SASH1: variants seen among roughly 807,000 people sequenced by gnomAD.
SASH1 encodes SAM and SH3 domain containing 1.
In SASH1, 44 loss-of-function variants were observed where a neutral mutation model predicts 125.2. The observed-to-expected ratio is 0.35, with a 90% confidence interval of 0.28 to 0.45. The LOEUF is 0.45. Ranked by LOEUF, SASH1 falls within the 20% of genes least tolerant of loss-of-function variation. The pLI is 1.00. For missense variants in SASH1, 1,426 were observed against 1,614.5 expected (o/e 0.88, Z 2.00); for synonymous variants, 639 against 649.1 (o/e 0.98, Z 0.24).
chr6:148,381,152 C>T (rs532409490), intron 1 of SASH1, among the ~76,000 whole-genome samples: 1 of 152,290 alleles, frequency 6.6e-6, no homozygotes, highest in East Asian at 1.9e-4. Flanking sequence ...AGTAGGCCTT[C>T]TTCGTCATCT....
intron 8 of SASH1, among the ~76,000 whole-genome samples, chr6:148,507,465 G>T (rs1779862995): frequency 6.6e-6 from 1 of 152,094 alleles, no homozygotes; most frequent in Non-Finnish European, 1.5e-5. Flanking sequence ...CTGCCTCCCG[G>T]ACTCAATTTA....
chr6:148,482,540 G>C (rs557023395), intron 7 of SASH1, among the ~76,000 whole-genome samples: 39 of 149,352 alleles, frequency 2.6e-4, no homozygotes, highest in African/African-American at 9.1e-4. Context: ...TTTTTTTTTC[G>C]AGGTAGGATC....
the SASH1 span, among the ~76,000 whole-genome samples, chr6:148,206,191 A>G: frequency 1.3e-5 from 2 of 152,102 alleles, no homozygotes; most frequent in East Asian, 1.9e-4. Flanking sequence ...TCATTAACCT[A>G]CTAAGCCTAG....
chr6:148,287,707 G>GGA (rs1779522322), intron 1 of SASH1, among the ~76,000 whole-genome samples: 1 of 97,750 alleles, frequency 1.0e-5, no homozygotes, highest in South Asian at 3.0e-4. Context: ...GGGGGTGGGG[G>GGA]GTGGTATTCC....
At chr6:148,306,654 G>A (rs778286396) in intron 1 of SASH1, among the ~76,000 whole-genome samples, 5 of 151,954 alleles carry the variant, frequency 3.3e-5, no homozygotes, top group Admixed American at 2.6e-4. Flanking sequence ...CCTCCTATTC[G>A]CACAGTCTCC....
chr6:148,211,352 C>T, the SASH1 span, among the ~76,000 whole-genome samples: 1 of 152,166 alleles, frequency 6.6e-6, no homozygotes, highest in African/African-American at 2.4e-5. Flanking sequence ...GAGGGGATCA[C>T]CTGAGGTCAG....
chr6:148,496,425 T>C (rs1779313751), intron 8 of SASH1, among the ~76,000 whole-genome samples: 1 of 152,238 alleles, frequency 6.6e-6, no homozygotes, highest in Non-Finnish European at 1.5e-5. Flanking sequence ...CTTGTTTGAC[T>C]TGTAATATGA....
At chr6:148,530,248 T>C (rs1781433609) in intron 12 of SASH1, among the ~76,000 whole-genome samples, 12 of 152,206 alleles carry the variant, frequency 7.9e-5, no homozygotes, top group Admixed American at 7.9e-4. Flanking sequence ...ATGAATAAAT[T>C]AATAATTTTT....
the SASH1 span, among the ~76,000 whole-genome samples, chr6:148,230,146 A>G: frequency 2.0e-5 from 3 of 152,194 alleles, no homozygotes; most frequent in Non-Finnish European, 2.9e-5. Context: ...TATTTTATAT[A>G]AATGAAATTA....
At chr6:148,403,704 G>A (rs1043959906) in intron 2 of SASH1, among the ~76,000 whole-genome samples, 19 of 151,946 alleles carry the variant, frequency 1.3e-4, no homozygotes, top group African/African-American at 4.6e-4. Context: ...GCTGATTTTT[G>A]TATTTTTAGT....
At chr6:148,293,615 G>C (rs1024070832) in intron 1 of SASH1, among the ~76,000 whole-genome samples, 2 of 152,124 alleles carry the variant, frequency 1.3e-5, no homozygotes, top group Non-Finnish European at 2.9e-5. Context: ...GGAGGGGGAG[G>C]GGGAGGGGAA....
chr6:148,237,863 T>G, the SASH1 span, among the ~76,000 whole-genome samples: 1 of 152,200 alleles, frequency 6.6e-6, no homozygotes, highest in East Asian at 1.9e-4. Flanking sequence ...GGCCTCCCCC[T>G]ACCCTTCCAG....
chr6:148,267,724 C>G (rs2128501619), upstream of SASH1, among the ~76,000 whole-genome samples: 1 of 152,162 alleles, frequency 6.6e-6, no homozygotes, highest in East Asian at 1.9e-4. Flanking sequence ...AATATCCATC[C>G]AACATTAAGA....
At chr6:148,365,501 G>A (rs1159856790) in intron 1 of SASH1, among the ~76,000 whole-genome samples, 3 of 151,666 alleles carry the variant, frequency 2.0e-5, no homozygotes, top group Non-Finnish European at 4.4e-5. Flanking sequence ...TGATGAGGAG[G>A]GGGTCATACT....
At position 148,534,733 on chromosome 6, in the gene SASH1, T is replaced by C; in HGVS notation, c.1945-18T>C. 6.2e-7 allele frequency: 1 copy of C among 1,614,102 alleles called. No homozygotes were observed. The highest frequency in any genetic ancestry group is 1.7e-4 in the Middle Eastern group (1 of 6,032). The stretch of plus-strand genomic sequence containing the variant: ...TGGGCTGGCTGACACCCTTCTGTCT[T>C]CCTTCTCCCTCTCACAGGAGCACAT... On this transcript the variant is annotated intron_variant, in intron 15 of 19. Coordinates refer to ENST00000367467, the MANE Select transcript of SASH1 (RefSeq NM_015278.5).
intron 1 of SASH1, among the ~76,000 whole-genome samples, chr6:148,284,078 C>T (rs564333729): frequency 3.0e-4 from 46 of 152,002 alleles, no homozygotes; most frequent in Non-Finnish European, 5.4e-4. Flanking sequence ...CTATAGGAAC[C>T]TACCCGAAGA....
chr6:148,474,641 A>C (rs1270025395), intron 7 of SASH1, among the ~76,000 whole-genome samples: 5 of 152,166 alleles, frequency 3.3e-5, no homozygotes, highest in Non-Finnish European at 7.4e-5. Context: ...GTGCAATCAC[A>C]ACTCACAGCA....
chr6:148,352,777 T>G (rs1021425979), intron 1 of SASH1, among the ~76,000 whole-genome samples: 2 of 152,014 alleles, frequency 1.3e-5, no homozygotes, highest in African/African-American at 4.8e-5. Flanking sequence ...AAGACCGGCC[T>G]GGCCAACATG....
chr6:148,253,985 C>T, the SASH1 span, among the ~76,000 whole-genome samples: 2 of 151,988 alleles, frequency 1.3e-5, no homozygotes, highest in African/African-American at 2.4e-5. Context: ...GTGGGCGGAT[C>T]ACCTGAGGTC....
Sources: gnomAD v4.1 joint callset for allele counts (sites outside exome capture counted in the v4.1 genomes callset) on GRCh38, gnomAD v4.1.1 for gene constraint, MANE v1.5 for transcripts, NCBI Gene and HGNC (gene_info 2026-07-23, HGNC 2026-07-21) for gene names.